Variants in PNPLA7 observed in about 807,000 individuals in gnomAD.
The protein encoded by PNPLA7 is patatin like domain 7, lysophospholipase.
In PNPLA7, 153 loss-of-function variants were observed where a neutral mutation model predicts 161.7. That is an observed-to-expected ratio of 0.95 (90% CI 0.83 to 1.08). The LOEUF (loss-of-function observed/expected upper bound fraction) is 1.08, where lower values mean the gene tolerates loss of function less well. PNPLA7 is among the 50% of genes least tolerant of loss of function. PNPLA7 has a pLI of 0.00. For synonymous variants in PNPLA7, 809 were observed against 782.1 expected (o/e 1.03, Z -0.57); for missense variants, 1,739 against 1,856.6 (o/e 0.94, Z 1.16).
intron 8 of PNPLA7, among the ~76,000 whole-genome samples, chr9:137,536,309 G>A (rs918969349): frequency 6.6e-6 from 1 of 152,122 alleles, no homozygotes; most frequent in Non-Finnish European, 1.5e-5. Flanking sequence ...CACGCCGGCC[G>A]AGAAAGCAGC....
At position 137,468,608 on chromosome 9, in the gene PNPLA7, C is replaced by T. The variant is rs1831581621; in HGVS notation, c.2883-1135G>A. On this transcript the variant is annotated intron_variant, in intron 25 of 34. Transcript: ENST00000406427. The surrounding 1 kb of genome is among the most constrained non-coding windows in gnomAD (Gnocchi z 4.0). ...AAATCTCATGTTGAATTTTAATCCT[C>T]AGTGTTGGAGGAGGGACCCGGTGGG... Among the ~76,000 whole-genome samples, 2 of 152,004 alleles carry T rather than the reference C, an allele frequency of 1.3e-5. No homozygotes were observed. Among genetic ancestry groups the T allele is most frequent in the Admixed American group, 6.6e-5 (1 of 15,264 alleles).
At chr9:137,516,956 C>G (rs1834608743) in intron 11 of PNPLA7, among the ~76,000 whole-genome samples, 1 of 151,812 alleles carries the variant, frequency 6.6e-6, no homozygotes, top group Non-Finnish European at 1.5e-5. Flanking sequence ...GCAGGAGTAA[C>G]ACCACTCTGC....
chr9:137,513,301 G>A (rs1834334929), intron 12 of PNPLA7, among the ~76,000 whole-genome samples: 1 of 152,032 alleles, frequency 6.6e-6, no homozygotes, highest in Admixed American at 6.5e-5. Flanking sequence ...GACCAGCCTG[G>A]CCAACATGGG....
rs751895100 is a variant in PNPLA7, at chr9:137,542,617, C to CCCGCCCCG, written c.666+17_666+24dup. Reference sequence around the variant, plus strand: ...GGAGGTAAATGCGCAGCCGCCTGACCCCGCCCCGCCGCCCTGCGACTCACA... The same window carrying CCCGCCCCG: ...GGAGGTAAATGCGCAGCCGCCTGACCCCGCCCCGCCGCCCCGCCGCCCTGCGACTCACA... On this transcript the variant is annotated intron_variant, in intron 7 of 34. Transcript: ENST00000406427. 5 of 1,557,678 alleles carry CCCGCCCCG rather than the reference C, an allele frequency of 3.2e-6. No individual in the cohort carries two copies. In the East Asian group the frequency reaches 7.1e-5, roughly 22 times the overall value.
chr9:137,523,002 A>C lies in PNPLA7; in HGVS notation c.748-145T>G, dbSNP rs1835110857. The C allele has an allele frequency of 8.4e-7, 1 of 1,195,270 alleles. No homozygotes were observed. The highest frequency in any genetic ancestry group is 1.5e-5 in the African/African-American group (1 of 65,058). 74.0% of individuals were successfully genotyped at this position (1,195,270 alleles called of 1,614,324 possible). The stretch of plus-strand genomic sequence containing the variant: ...CTCCCTCCCAGGCTGGGCTGTGCAA[A>C]GTGCTGCTTTTGGCACCAGCTGCAC... On this transcript the variant is annotated intron_variant, in intron 8 of 34. Coordinates refer to ENST00000406427, the MANE Select transcript of PNPLA7 (RefSeq NM_001098537.3). The surrounding 1 kb of genome is among the most constrained non-coding windows in gnomAD (Gnocchi z 4.4).
At chr9:137,489,237 G>T (rs1036230943) in intron 20 of PNPLA7, among the ~76,000 whole-genome samples, 3 of 152,240 alleles carry the variant, frequency 2.0e-5, no homozygotes, top group African/African-American at 7.2e-5. Context: ...GCTGAAGATG[G>T]CGCAGAATGC....
At position 137,495,071 on chromosome 9, in the gene PNPLA7, C is replaced by T; in HGVS notation, c.2089G>A (p.Ala697Thr). ...CGCTTGATGGACGTGAGGGCTCCTG[C>T]CGGCAGCTTGGCCAATTCTGAGTCC... ...VRDSELAKLPAGALTSIKRRY... is the reference protein window; with the variant it reads ...VRDSELAKLPTGALTSIKRRY... Residue 697 changes from alanine (A) to threonine (T), a missense_variant, in exon 19 of 35, where the codon GCA becomes ACA. This residue lies in a region of PNPLA7 where 192 missense variants were observed against 249.5 expected (regional missense o/e 0.77). Coordinates refer to ENST00000406427, the MANE Select transcript of PNPLA7 (RefSeq NM_001098537.3). The T allele has an allele frequency of 6.2e-7, 1 of 1,610,374 alleles. No homozygotes were observed. Among genetic ancestry groups the T allele is most frequent in the Non-Finnish European group, 8.5e-7 (1 of 1,179,522 alleles).
intron 12 of PNPLA7, among the ~76,000 whole-genome samples, chr9:137,506,755 T>C (rs74945232): frequency 0.011 from 1,693 of 152,344 alleles, 30 homozygotes; most frequent in African/African-American, 0.038. Flanking sequence ...ACACACAGCG[T>C]ATCTGACCTC....
At chr9:137,533,657 TG>T (rs1835713976) in intron 8 of PNPLA7, among the ~76,000 whole-genome samples, 1 of 123,204 alleles carries the variant, frequency 8.1e-6, no homozygotes, top group South Asian at 2.8e-4. Context: ...CCACTCCAGA[TG>T]GGAGCACTCC....
chr9:137,516,732 C>T (rs1834592986), intron 11 of PNPLA7, among the ~76,000 whole-genome samples: 1 of 151,916 alleles, frequency 6.6e-6, no homozygotes, highest in African/African-American at 2.4e-5. Flanking sequence ...GCAGGAGAAT[C>T]CTTTCAGCCA....
intron 14 of PNPLA7, among the ~76,000 whole-genome samples, chr9:137,504,611 C>G (rs1833812416): frequency 6.6e-6 from 1 of 152,210 alleles, no homozygotes; most frequent in South Asian, 2.1e-4. Context: ...CCACTCATGA[C>G]ACAGTCAGGG....
intron 12 of PNPLA7, among the ~76,000 whole-genome samples, chr9:137,510,297 C>T (rs906423933): frequency 6.6e-6 from 1 of 152,060 alleles, no homozygotes; most frequent in African/African-American, 2.4e-5. Flanking sequence ...GAGGCCTAAC[C>T]GTCTCCCTGT....
chr9:137,521,066 G>A (rs1834965600), intron 10 of PNPLA7, among the ~76,000 whole-genome samples: 1 of 151,952 alleles, frequency 6.6e-6, no homozygotes, highest in Admixed American at 6.5e-5. Flanking sequence ...CGTGGCCATA[G>A]GGACCCCATG....
chr9:137,503,642 A>G (rs1478120651), intron 14 of PNPLA7, among the ~76,000 whole-genome samples: 4 of 125,438 alleles, frequency 3.2e-5, no homozygotes, highest in South Asian at 3.0e-4. Context: ...GGAGAAGGAG[A>G]AGGGGGAGGA....
At chr9:137,506,681 G>A (rs1833941402) in intron 12 of PNPLA7, among the ~76,000 whole-genome samples, 1 of 152,202 alleles carries the variant, frequency 6.6e-6, no homozygotes, top group Non-Finnish European at 1.5e-5. Context: ...GGCGGCCTCG[G>A]GCTGAGCGGG....
chr9:137,544,063 G>A (rs1358619033), intron 4 of PNPLA7, among the ~76,000 whole-genome samples: 1 of 152,084 alleles, frequency 6.6e-6, no homozygotes, highest in Non-Finnish European at 1.5e-5. Context: ...AGAGCCCCCA[G>A]GCTTCATGCC....
At position 137,506,076 on chromosome 9, in the gene PNPLA7, TG is replaced by T. The variant is rs775531331; in HGVS notation, c.1232del (p.Pro411GlnfsTer37). On this transcript the variant is annotated frameshift_variant, in exon 13 of 35. Coordinates refer to ENST00000406427, the MANE Select transcript of PNPLA7 (RefSeq NM_001098537.3). LOFTEE classifies it high-confidence loss of function. ...TCCCCAGATCAGAAGTGGCACTGCC[TG>T]GGCCCCCTACACACAGAGGGGACAC... ...DPDPSAPQGG[P>X]GSATSDLGMA... is the part of the protein sequence containing the mutation. The T allele has an allele frequency of 1.5e-5, 24 of 1,611,794 alleles. No homozygotes were observed. The Admixed American group carries it at 3.2e-4, about 21-fold the overall frequency.
intron 14 of PNPLA7, among the ~76,000 whole-genome samples, chr9:137,502,633 G>T (rs1374730518): frequency 8.6e-6 from 1 of 116,804 alleles, no homozygotes; most frequent in Non-Finnish European, 1.7e-5. Context: ...GAAGAAAGCG[G>T]CCTCCCTGAG....
chr9:137,480,382 T>C lies in PNPLA7; in HGVS notation c.2510A>G (p.Gln837Arg). The change falls in exon 23 of 35, where the codon CAG becomes CGG. Residue 837 changes from glutamine (Q) to arginine (R), a missense_variant. By Grantham distance (43) the Gln-to-Arg change is conservative. Coordinates refer to ENST00000406427, the MANE Select transcript of PNPLA7 (RefSeq NM_001098537.3). ...QADGTLTPWTQRCVRQADCIL... is the reference protein window; with the variant it reads ...QADGTLTPWTRRCVRQADCIL... ...GCAGTCGGCCTGGCGCACGCAGCGCTGGGTCCAGGGTGTGAGCGTGCCATC... is the reference window on the plus strand; with the variant it reads ...GCAGTCGGCCTGGCGCACGCAGCGCCGGGTCCAGGGTGTGAGCGTGCCATC... 2 of 1,613,606 alleles carry C rather than the reference T, an allele frequency of 1.2e-6. No individual in the cohort carries two copies. Among genetic ancestry groups the C allele is most frequent in the Non-Finnish European group, 1.7e-6 (2 of 1,179,956 alleles).
Sources: allele counts gnomAD v4.1 joint callset (sites outside exome capture counted in the v4.1 genomes callset), GRCh38; gene constraint gnomAD v4.1.1; regional missense constraint gnomAD v4.1.1; non-coding constraint Gnocchi (gnomAD v3.1); transcripts MANE v1.5; gene names NCBI Gene and HGNC (gene_info 2026-07-23, HGNC 2026-07-21).